GNB1L: variants seen among roughly 807,000 people sequenced by gnomAD.
GNB1L encodes G protein subunit beta 1 like.
A neutral mutation model predicts 29.1 loss-of-function variants in GNB1L; 20 were observed. That is an observed-to-expected ratio of 0.69 (90% CI 0.48 to 1.00). The LOEUF (loss-of-function observed/expected upper bound fraction) is 1.00. Ranked by LOEUF, GNB1L falls within the 50% of genes least tolerant of loss-of-function variation. The pLI is 0.00. For missense variants in GNB1L, 421 were observed against 464.9 expected, an observed-to-expected ratio of 0.91 and a Z score of 0.87; for synonymous variants, 193 against 206.5, an observed-to-expected ratio of 0.93 and a Z score of 0.56.
intron 6 of GNB1L, 74 bp downstream of exon 6, chr22:19,806,585 A>G (rs1937437296): frequency 1.1e-6 from 1 of 921,088 alleles, no homozygotes; most frequent in Admixed American, 2.2e-5. Flanking sequence ...ACGATAAATC[A>G]GATCCTGAAT....
chr22:19,804,798 C>T (rs916298036), intron 6 of GNB1L, among the ~76,000 whole-genome samples: 11 of 152,226 alleles, frequency 7.2e-5, no homozygotes, highest in African/African-American at 2.7e-4. Context: ...CTGTCAACTA[C>T]ATTAATTACC....
intron 7 of GNB1L, among the ~76,000 whole-genome samples, chr22:19,789,227 G>GCTACC (rs1937224801): frequency 6.6e-6 from 1 of 152,192 alleles, no homozygotes; most frequent in South Asian, 2.1e-4. Flanking sequence ...GAGAGCAGCA[G>GCTACC]AGACAGGGAG....
chr22:19,851,897 C>T (rs1157248844), intron 2 of GNB1L: 1 of 1,613,994 alleles, frequency 6.2e-7, no homozygotes, highest in Non-Finnish European at 8.5e-7. Context: ...CATGTAATCG[C>T]CCAGCTGGGC....
intron 4 of GNB1L, 131 bp from the exon 5 acceptor site, chr22:19,812,578 C>T (rs375717869): frequency 5.4e-4 from 464 of 860,150 alleles, no homozygotes; most frequent in East Asian, 4.8e-3. Flanking sequence ...CATCGCAGGT[C>T]GGGAGCCTCA....
rs775725263 is a variant in GNB1L at position 19,851,296 on chromosome 22, T to C, written c.-21+3147A>G. 3.1e-6 allele frequency: 5 copies of C among 1,613,944 alleles called. No homozygotes were observed. In the South Asian group the frequency reaches 5.5e-5, roughly 18 times the overall value. On this transcript the variant is annotated intron_variant, in intron 2 of 7. Coordinates refer to ENST00000329517, the MANE Select transcript of GNB1L (RefSeq NM_053004.3). ...CCTCCTCCTCTGTTTTCTGGGGTTT[T>C]GGACCTCCTGGATGAGCTGGGTCTG...
At chr22:19,850,702 G>C in intron 2 of GNB1L, 1 of 1,234,384 alleles carries the variant, frequency 8.1e-7, no homozygotes, top group Non-Finnish European at 1.0e-6. Context: ...GGAGCAGAGA[G>C]GGTGGGGCTA....
At chr22:19,850,764 C>G in intron 2 of GNB1L, 1 of 1,248,520 alleles carries the variant, frequency 8.0e-7, no homozygotes, top group Non-Finnish European at 1.0e-6. Context: ...ACAGGGCAGA[C>G]GTGGCAGACC....
chr22:19,839,198 G>A (rs1348624668), intron 2 of GNB1L, among the ~76,000 whole-genome samples: 1 of 152,186 alleles, frequency 6.6e-6, no homozygotes, highest in Admixed American at 6.5e-5. Context: ...GAAGTTTTCT[G>A]TGTCCTGATT....
At chr22:19,791,639 G>A (rs985876389) in intron 7 of GNB1L, among the ~76,000 whole-genome samples, 1 of 152,224 alleles carries the variant, frequency 6.6e-6, no homozygotes, top group Admixed American at 6.5e-5. Flanking sequence ...TATGAGTCTT[G>A]TGTGAGGGCT....
intron 4 of GNB1L, among the ~76,000 whole-genome samples, chr22:19,818,754 C>T (rs1408043408): frequency 1.3e-5 from 2 of 152,184 alleles, no homozygotes; most frequent in Non-Finnish European, 1.5e-5. Context: ...CTGAATATGA[C>T]GCAAGGCAAA....
rs1449294508 is a variant in GNB1L at position 19,816,615 on chromosome 22, TCA to T, written c.254+3981_254+3982del. Among the ~76,000 whole-genome samples the T allele has an allele frequency of 6.6e-6, 1 of 151,628 alleles. No individual in the cohort carries two copies. Among genetic ancestry groups the T allele is most frequent in the African/African-American group, 2.4e-5 (1 of 41,234 alleles). On this transcript the variant is annotated intron_variant, in intron 4 of 7. Transcript: ENST00000329517. The surrounding 1 kb of genome is among the most constrained non-coding windows in gnomAD (Gnocchi z 4.4). ...TCACATGCATGCACACAACACACAA[TCA>T]CACACACCACACACCTCATACACAC...
intron 2 of GNB1L, chr22:19,851,629 C>T (rs762534530): frequency 8.2e-6 from 13 of 1,594,474 alleles, no homozygotes; most frequent in East Asian, 2.2e-5. Context: ...ATTGCCTCAC[C>T]ACAGGCAGCT....
At chr22:19,842,410 C>A (rs1234635708) in intron 2 of GNB1L, among the ~76,000 whole-genome samples, 1 of 152,254 alleles carries the variant, frequency 6.6e-6, no homozygotes, top group African/African-American at 2.4e-5. Flanking sequence ...AGAGACTAGC[C>A]CCCAACAACC....
At chr22:19,829,056 T>C (rs1937645058) in intron 2 of GNB1L, among the ~76,000 whole-genome samples, 1 of 152,204 alleles carries the variant, frequency 6.6e-6, no homozygotes, top group Non-Finnish European at 1.5e-5. Flanking sequence ...GGTCTTGAAC[T>C]CCTGACCTCA....
rs1569033786 is a variant in GNB1L at position 19,783,469 on chromosome 22, G to C, written c.*5240C>G. On this transcript the variant is annotated 3_prime_UTR_variant, in exon 8 of 8. Transcript: ENST00000329517. Reference sequence around the variant, plus strand: ...GGAGGCTGAGGCAGGAGGATCACTTGAGCCTATTAGTTGGAGGCTGCAGTA... The same window carrying C: ...GGAGGCTGAGGCAGGAGGATCACTTCAGCCTATTAGTTGGAGGCTGCAGTA... The C allele has an allele frequency of 7.3e-6, 2 of 272,868 alleles. No homozygotes were observed. The highest frequency in any genetic ancestry group is 1.4e-5 in the Non-Finnish European group (2 of 139,012). 16.9% of individuals were successfully genotyped at this position (272,868 alleles called of 1,614,324 possible).
intron 2 of GNB1L, among the ~76,000 whole-genome samples, chr22:19,832,195 T>C (rs997666416): frequency 8.5e-5 from 13 of 152,098 alleles, no homozygotes; most frequent in Non-Finnish European, 1.2e-4. Flanking sequence ...GCTGGGCTGA[T>C]AGCGTGTGCT....
At chr22:19,847,524 A>G (rs1274231121) in intron 2 of GNB1L, 4 of 985,430 alleles carry the variant, frequency 4.1e-6, no homozygotes, top group Non-Finnish European at 4.8e-6. Context: ...TCACAGCTCA[A>G]AAAGGTCAGG....
At chr22:19,820,986 A>G (rs1403775060) in intron 3 of GNB1L, among the ~76,000 whole-genome samples, 4 of 152,180 alleles carry the variant, frequency 2.6e-5, no homozygotes, top group Non-Finnish European at 4.4e-5. Flanking sequence ...GCCATGCCAC[A>G]GTAATGCACG....
At chr22:19,796,902 AACGCATACAAG>A (rs1265002044) in intron 7 of GNB1L, among the ~76,000 whole-genome samples, 4 of 152,202 alleles carry the variant, frequency 2.6e-5, no homozygotes, top group African/African-American at 9.7e-5. Flanking sequence ...CTCAAGGACA[AACGCATACAAG>A]ACTGATCAGG....
Sources: allele counts gnomAD v4.1 joint callset (sites outside exome capture counted in the v4.1 genomes callset), GRCh38; gene constraint gnomAD v4.1.1; non-coding constraint Gnocchi (gnomAD v3.1); transcripts MANE v1.5; gene names NCBI Gene and HGNC (gene_info 2026-07-23, HGNC 2026-07-21).